FOCAD: variants seen among roughly 807,000 people sequenced by gnomAD.
FOCAD encodes the protein KIAA1797.
In FOCAD, 198 loss-of-function variants were observed where a neutral mutation model predicts 225.6. The ratio of observed to expected loss-of-function variants is 0.88; its 90% CI spans 0.78 to 0.99. The LOEUF is 0.99. Among genes scored for constraint, FOCAD ranks in the 50% least tolerant of loss-of-function variants. FOCAD has a pLI of 0.00. For synonymous variants in FOCAD, 897 were observed against 755.0 expected (o/e 1.19, Z -3.08); for missense variants, 2,713 against 2,123.6 (o/e 1.28, Z -5.46).
intron 2 of FOCAD, among the ~76,000 whole-genome samples, chr9:20,676,773 T>A (rs1294100493): frequency 6.6e-6 from 1 of 152,184 alleles, no homozygotes; most frequent in African/African-American, 2.4e-5. Flanking sequence ...AGACATCCTC[T>A]GTTCATGGAT....
chr9:20,830,132 TTG>T (rs944998429), intron 15 of FOCAD, among the ~76,000 whole-genome samples: 1 of 152,110 alleles, frequency 6.6e-6, no homozygotes, highest in African/African-American at 2.4e-5. Flanking sequence ...TTTTTGGTGG[TTG>T]TGTTTGTGTT....
chr9:20,740,817 T>C (rs1827554451), intron 5 of FOCAD, among the ~76,000 whole-genome samples: 1 of 152,186 alleles, frequency 6.6e-6, no homozygotes, highest in African/African-American at 2.4e-5. Flanking sequence ...CTGTAGAATG[T>C]AATAAGGTAG....
At chr9:20,900,404 C>T (rs538487591) in intron 21 of FOCAD, among the ~76,000 whole-genome samples, 4 of 151,784 alleles carry the variant, frequency 2.6e-5, no homozygotes, top group Non-Finnish European at 5.9e-5. Context: ...TACATTCTTT[C>T]TTCTTTTTTT....
intron 19 of FOCAD, among the ~76,000 whole-genome samples, chr9:20,878,114 G>A (rs1249859326): frequency 7.1e-6 from 1 of 140,948 alleles, no homozygotes; most frequent in Non-Finnish European, 1.5e-5. Context: ...CTTTTGTGGA[G>A]TCATATTTGT....
At chr9:20,739,485 C>T (rs1827425583) in intron 4 of FOCAD, among the ~76,000 whole-genome samples, 1 of 151,948 alleles carries the variant, frequency 6.6e-6, no homozygotes, top group South Asian at 2.1e-4. Flanking sequence ...TGCCTGTAAT[C>T]CCAGCTACTT....
intron 35 of FOCAD, among the ~76,000 whole-genome samples, chr9:20,968,756 CTTAA>C (rs1314571433): frequency 2.0e-5 from 3 of 151,948 alleles, no homozygotes; most frequent in Non-Finnish European, 1.5e-5. Context: ...TTATTTTATA[CTTAA>C]TTATCTCCAC....
chr9:20,691,831 T>C (rs921937623), intron 1 of FOCAD, among the ~76,000 whole-genome samples: 1 of 152,006 alleles, frequency 6.6e-6, no homozygotes, highest in African/African-American at 2.4e-5. Flanking sequence ...TGGAGTGCAC[T>C]GGCACGATCT....
At chr9:20,986,771 A>G (rs1841208082) in intron 40 of FOCAD, among the ~76,000 whole-genome samples, 1 of 152,198 alleles carries the variant, frequency 6.6e-6, no homozygotes, top group South Asian at 2.1e-4. Flanking sequence ...AAAACACACA[A>G]GATATCAATT....
chr9:20,829,586 A>G (rs959407225), intron 15 of FOCAD, among the ~76,000 whole-genome samples: 2 of 152,006 alleles, frequency 1.3e-5, no homozygotes, highest in African/African-American at 4.8e-5. Context: ...TATTTTCTTC[A>G]TTGCTTTTAA....
At chr9:20,877,819 A>G (rs374821028) in intron 19 of FOCAD, among the ~76,000 whole-genome samples, 9 of 152,182 alleles carry the variant, frequency 5.9e-5, no homozygotes, top group African/African-American at 2.2e-4. Context: ...CTGAGACGAG[A>G]GAGTCGCTTG....
chr9:20,844,631 G>A (rs1472994812), intron 15 of FOCAD, among the ~76,000 whole-genome samples: 3 of 152,002 alleles, frequency 2.0e-5, no homozygotes, highest in East Asian at 1.9e-4. Context: ...AAAGTGCTGG[G>A]ATTACAGGTG....
chr9:20,698,810 G>A (rs561278132), intron 1 of FOCAD, among the ~76,000 whole-genome samples: 31 of 152,132 alleles, frequency 2.0e-4, no homozygotes, highest in Non-Finnish European at 3.1e-4. Context: ...TATCTGCATA[G>A]TCCTTAGTTT....
chr9:20,768,382 C>A (rs200910853), intron 7 of FOCAD, among the ~76,000 whole-genome samples: 5 of 152,188 alleles, frequency 3.3e-5, no homozygotes, highest in African/African-American at 7.2e-5. Flanking sequence ...TGGTAGCTTG[C>A]TGGGGATGGC....
chr9:20,786,229 T>G (rs1163176566), intron 10 of FOCAD, among the ~76,000 whole-genome samples: 1 of 152,192 alleles, frequency 6.6e-6, no homozygotes, highest in African/African-American at 2.4e-5. Context: ...ACAGTTCCAT[T>G]TCAGATTTAC....
chr9:20,783,923 C>T (rs936942760), intron 10 of FOCAD, among the ~76,000 whole-genome samples: 6 of 152,086 alleles, frequency 3.9e-5, no homozygotes, highest in Admixed American at 1.3e-4. Flanking sequence ...GAATTATTAG[C>T]AAGAGGTGTT....
intron 6 of FOCAD, 132 bp from the exon 7 acceptor site, chr9:20,764,737 T>A: frequency 1.4e-6 from 1 of 719,344 alleles, no homozygotes; most frequent in Non-Finnish European, 2.3e-6. Flanking sequence ...AATAGAAGAA[T>A]CATAAAAAGA....
rs1157637077 is a variant in FOCAD at position 20,882,059 on chromosome 9, A to G, written c.2503+3A>G. On this transcript the variant is annotated splice_donor_region_variant and intron_variant, in intron 20 of 43. Coordinates refer to ENST00000338382, the MANE Select transcript of FOCAD (RefSeq NM_001375567.1). ...AGGACTGAAACCTGGCCTTGCAGGT[A>G]AGGGTAGTACATAGTATCAAAAATA... The G allele has an allele frequency of 8.1e-6, 13 of 1,612,258 alleles. No homozygotes were observed. In the East Asian group the frequency reaches 2.7e-4, roughly 33 times the overall value.
intron 2 of FOCAD, among the ~76,000 whole-genome samples, chr9:20,666,303 G>A (rs914768248): frequency 6.6e-6 from 1 of 152,176 alleles, no homozygotes; most frequent in African/African-American, 2.4e-5. Flanking sequence ...TGGGTGCAGT[G>A]TCTTGCCCTG....
intron 3 of FOCAD, among the ~76,000 whole-genome samples, chr9:20,719,921 G>T (rs1003154921): frequency 2.6e-5 from 4 of 151,934 alleles, no homozygotes; most frequent in Non-Finnish European, 5.9e-5. Context: ...TAAGGTGCAT[G>T]TAGGTGATAG....
Sources: gnomAD v4.1 joint callset for allele counts (sites outside exome capture counted in the v4.1 genomes callset) on GRCh38, gnomAD v4.1.1 for gene constraint, MANE v1.5 for transcripts, NCBI Gene and HGNC (gene_info 2026-07-23, HGNC 2026-07-21) for gene names.